The following IMMP2L variants were observed in gnomAD, a reference collection of about 807,000 sequenced individuals.
The protein encoded by IMMP2L is inner mitochondrial membrane peptidase subunit 2.
A neutral mutation model predicts 19.3 loss-of-function variants in IMMP2L; 18 were observed. The ratio of observed to expected loss-of-function variants is 0.93; its 90% CI spans 0.64 to 1.38. IMMP2L has a LOEUF of 1.38. IMMP2L is among the 40% of genes most tolerant of loss of function. The probability of loss-of-function intolerance (pLI) is 0.00; values close to 1 mark genes in which losing one functional copy is unlikely to be tolerated. For synonymous variants in IMMP2L, 76 were observed against 73.0 expected (o/e 1.04, Z -0.21); for missense variants, 233 against 218.2 (o/e 1.07, Z -0.43).
At chr7:111,099,149 A>G (rs1471500074) in intron 3 of IMMP2L, among the ~76,000 whole-genome samples, 2 of 151,718 alleles carry the variant, frequency 1.3e-5, no homozygotes, top group African/African-American at 2.4e-5. Context: ...GGAAGTCAAC[A>G]TACTTCTTCA....
At chr7:111,520,338 T>C (rs1846218207) in intron 2 of IMMP2L, among the ~76,000 whole-genome samples, 1 of 152,034 alleles carries the variant, frequency 6.6e-6, no homozygotes, top group African/African-American at 2.4e-5. Context: ...AAGTAGAATA[T>C]AAAGGCAGTC....
intron 3 of IMMP2L, among the ~76,000 whole-genome samples, chr7:111,094,436 A>C (rs1330511560): frequency 6.6e-6 from 1 of 152,150 alleles, no homozygotes; most frequent in East Asian, 1.9e-4. Flanking sequence ...ATGTGGCTCC[A>C]GCCAGTCTGA....
chr7:111,316,036 A>G (rs1824034851), intron 3 of IMMP2L, among the ~76,000 whole-genome samples: 1 of 152,242 alleles, frequency 6.6e-6, no homozygotes, highest in Admixed American at 6.5e-5. Flanking sequence ...CTAGACTACA[A>G]TCCTGTACAG....
intron 3 of IMMP2L, among the ~76,000 whole-genome samples, chr7:111,162,617 T>G (rs1036819431): frequency 1.3e-5 from 2 of 151,938 alleles, no homozygotes; most frequent in African/African-American, 4.8e-5. Flanking sequence ...TCAAGGAGGA[T>G]TCCAGATTTT....
At chr7:110,678,087 A>G (rs1316907939) in intron 5 of IMMP2L, among the ~76,000 whole-genome samples, 1 of 152,186 alleles carries the variant, frequency 6.6e-6, no homozygotes, top group Non-Finnish European at 1.5e-5. Context: ...CTTCCTGAAG[A>G]TATAATACAG....
intron 1 of IMMP2L, among the ~76,000 whole-genome samples, chr7:111,543,227 CAATT>C (rs1054106591): frequency 6.6e-6 from 1 of 152,102 alleles, no homozygotes; most frequent in Non-Finnish European, 1.5e-5. Context: ...ACCAAAACTG[CAATT>C]AATTTTAAAC....
At chr7:111,281,234 AAG>A (rs933752603) in intron 3 of IMMP2L, among the ~76,000 whole-genome samples, 2 of 134,224 alleles carry the variant, frequency 1.5e-5, no homozygotes, top group African/African-American at 3.0e-5. Context: ...GAAAGAAAGA[AAG>A]AAAGAAAGAA....
intron 3 of IMMP2L, among the ~76,000 whole-genome samples, chr7:111,332,481 T>A (rs1773534377): frequency 6.6e-6 from 1 of 151,932 alleles, no homozygotes; most frequent in Non-Finnish European, 1.5e-5. Flanking sequence ...AATAAAGACA[T>A]ATTAAATATA....
intron 3 of IMMP2L, among the ~76,000 whole-genome samples, chr7:111,280,613 T>A (rs866425638): frequency 1.3e-5 from 2 of 152,152 alleles, no homozygotes; most frequent in South Asian, 4.1e-4. Context: ...AATGTCATGA[T>A]GAACTGGTCT....
chr7:111,007,265 C>T lies in IMMP2L; in HGVS notation c.240-43700G>A, dbSNP rs948504905. On this transcript the variant is annotated intron_variant, in intron 3 of 5. Transcript: ENST00000405709. Reference sequence around the variant, plus strand: ...ATGAGAACAGCATGGGGGAAATCACCCTCATTATCCAAACACCTTCCTTCC... The same window carrying T: ...ATGAGAACAGCATGGGGGAAATCACTCTCATTATCCAAACACCTTCCTTCC... Among the ~76,000 whole-genome samples the T allele has an allele frequency of 2.0e-5, 3 of 152,150 alleles. No individual in the cohort carries two copies. In the South Asian group the frequency reaches 6.2e-4, roughly 32 times the overall value.
chr7:110,791,552 ACCAGT>A (rs1800460705), intron 5 of IMMP2L, among the ~76,000 whole-genome samples: 1 of 151,692 alleles, frequency 6.6e-6, no homozygotes. Flanking sequence ...ATTTTCAGGG[ACCAGT>A]AAGCAAAACA....
At chr7:111,441,192 T>C (rs1837676153) in intron 3 of IMMP2L, among the ~76,000 whole-genome samples, 1 of 151,920 alleles carries the variant, frequency 6.6e-6, no homozygotes, top group Non-Finnish European at 1.5e-5. Context: ...TTCATTCAAA[T>C]ACTTTTGCTT....
intron 3 of IMMP2L, among the ~76,000 whole-genome samples, chr7:111,032,757 G>A (rs956437176): frequency 6.6e-6 from 1 of 152,102 alleles, no homozygotes; most frequent in Admixed American, 6.5e-5. Context: ...AGGAGGTGGA[G>A]GCTGCAGTGA....
intron 3 of IMMP2L, among the ~76,000 whole-genome samples, chr7:111,325,614 G>T (rs985842124): frequency 6.6e-6 from 1 of 150,932 alleles, no homozygotes. Context: ...TTCTGTAATC[G>T]AGCCCTTCAT....
At chr7:111,239,900 T>C (rs1814798619) in intron 3 of IMMP2L, among the ~76,000 whole-genome samples, 1 of 151,986 alleles carries the variant, frequency 6.6e-6, no homozygotes, top group South Asian at 2.1e-4. Flanking sequence ...AAAGGTCTTG[T>C]TTTAAAAGTG....
intron 3 of IMMP2L, among the ~76,000 whole-genome samples, chr7:110,980,179 G>A (rs796867862): frequency 2.0e-5 from 3 of 146,354 alleles, no homozygotes; most frequent in Admixed American, 6.8e-5. Flanking sequence ...TCCCTGCTTT[G>A]AACTCTAATC....
At chr7:110,670,798 G>C (rs1791865700) in intron 5 of IMMP2L, among the ~76,000 whole-genome samples, 1 of 151,496 alleles carries the variant, frequency 6.6e-6, no homozygotes, top group Non-Finnish European at 1.5e-5. Flanking sequence ...GGGGAACAAA[G>C]AAATATGTTG....
At position 110,869,718 on chromosome 7, in the gene IMMP2L, G is replaced by A. The variant is rs6972694; in HGVS notation, c.408+16875C>T. On this transcript the variant is annotated intron_variant, in intron 5 of 5. Coordinates refer to ENST00000405709, the MANE Select transcript of IMMP2L (RefSeq NM_032549.4). The stretch of plus-strand genomic sequence containing the variant: ...TCTATTTTTTACAAGCTCCTAAGGT[G>A]ATTCTAATACACATGAAAATTTGGG... 4.9e-3 allele frequency among the ~76,000 whole-genome samples: 745 copies of A among 152,186 alleles called. 9 individuals are homozygous for A. Among genetic ancestry groups the A allele is most frequent in the African/African-American group, 0.017 (723 of 41,556 alleles).
intron 2 of IMMP2L, among the ~76,000 whole-genome samples, chr7:111,495,022 T>G (rs1172419093): frequency 6.6e-6 from 1 of 152,164 alleles, no homozygotes; most frequent in East Asian, 1.9e-4. Flanking sequence ...GTTCTGCCTC[T>G]ATAAATTAAT....
Sources: allele counts gnomAD v4.1 joint callset (sites outside exome capture counted in the v4.1 genomes callset), GRCh38; gene constraint gnomAD v4.1.1; transcripts MANE v1.5; gene names NCBI Gene and HGNC (gene_info 2026-07-23, HGNC 2026-07-21).